CYB5R3: variants seen among roughly 807,000 people sequenced by gnomAD.
CYB5R3 encodes cytochrome b5 reductase 3.
A neutral mutation model predicts 36.5 loss-of-function variants in CYB5R3; 28 were observed. The ratio of observed to expected loss-of-function variants is 0.77; its 90% confidence interval spans 0.57 to 1.05. The LOEUF (loss-of-function observed/expected upper bound fraction) is 1.05. CYB5R3 is among the 50% of genes least tolerant of loss of function. The probability of loss-of-function intolerance (pLI) is 0.00; values close to 1 mark genes in which losing one functional copy is unlikely to be tolerated. For missense variants in CYB5R3, 474 were observed against 408.9 expected (o/e 1.16, Z -1.37); for synonymous variants, 181 against 159.8 (o/e 1.13, Z -1.00).
In CYB5R3 at chr22:42,628,155, T is replaced by G. The variant is rs1166220320; in HGVS notation, c.460A>C (p.Lys154Gln). The change falls in exon 5 of 9, where the codon AAA (lysine) becomes CAA (glutamine). Residue 154 changes from lysine (K) to glutamine (Q), a missense_variant. By Grantham distance (53) the Lys-to-Gln change is moderately conservative. Transcript: ENST00000352397. ...AAGGGATTCCGACCCGAATCACCTTTGCCCTGGTAGACCAGCAGCCCACTG... is the reference window on the plus strand; with the variant it reads ...AAGGGATTCCGACCCGAATCACCTTGGCCCTGGTAGACCAGCAGCCCACTG... The part of the protein sequence containing the change: ...GPSGLLVYQG[K>Q]GKFAIRPDKK... The G allele has an allele frequency of 1.2e-6, 2 of 1,614,058 alleles. No individual in the cohort carries two copies. Among genetic ancestry groups the G allele is most frequent in the Admixed American group, 3.3e-5 (2 of 60,008 alleles).
chr22:42,622,453 A>G (rs1435311224), intron 8 of CYB5R3, among the ~76,000 whole-genome samples: 2 of 152,178 alleles, frequency 1.3e-5, no homozygotes, highest in African/African-American at 4.8e-5. Flanking sequence ...CAGGTGGAGC[A>G]GCCGACCTGG....
rs778448550 is a variant in CYB5R3, at chr22:42,619,731, T to C, written c.*42A>G. 4 of 1,531,600 alleles carry C rather than the reference T, an allele frequency of 2.6e-6. No individual in the cohort carries two copies. Among genetic ancestry groups the C allele is most frequent in the African/African-American group, 1.4e-5 (1 of 73,558 alleles). 94.9% of individuals were successfully genotyped at this position (1,531,600 alleles called of 1,614,324 possible). ...TGACTGGGTGAGCGTGAACAGGGCG[T>C]GGGGTGCGCGGGGCGGGTGGCCGTG... On this transcript the variant is annotated 3_prime_UTR_variant, in exon 9 of 9. Coordinates refer to ENST00000352397, the MANE Select transcript of CYB5R3 (RefSeq NM_000398.7).
Position 42,636,764 on chromosome 22 carries a change from G to A in CYB5R3, c.104C>T (p.Thr35Ile). The A allele has an allele frequency of 6.2e-7, 1 of 1,613,878 alleles. No individual in the cohort carries two copies. The highest frequency in any genetic ancestry group is 8.5e-7 in the Non-Finnish European group (1 of 1,180,016). ...GTACTTGATGTCCGGGCTCTCGAGGGTGATGGCTGGCGTGGAGCGCTGGAA... is the reference window on the plus strand; with the variant it reads ...GTACTTGATGTCCGGGCTCTCGAGGATGATGGCTGGCGTGGAGCGCTGGAA... Reference protein sequence around the residue: ...KLFQRSTPAITLESPDIKYPL... With the variant: ...KLFQRSTPAIILESPDIKYPL... The change falls in exon 2 of 9, where the codon ACC (threonine) becomes ATC (isoleucine). Residue 35 changes from threonine (T) to isoleucine (I), a missense_variant. Physicochemically the swap from Thr to Ile is moderately conservative, Grantham distance 89 (BLOSUM62 -1). Coordinates refer to ENST00000352397, the MANE Select transcript of CYB5R3 (RefSeq NM_000398.7).
chr22:42,626,200 C>T (rs1372405746), intron 7 of CYB5R3, among the ~76,000 whole-genome samples: 2 of 152,090 alleles, frequency 1.3e-5, no homozygotes, highest in Non-Finnish European at 2.9e-5. Context: ...ATCCCAGCTA[C>T]TCGGGAGGCT....
At chr22:42,626,073 C>T (rs1928251706) in intron 7 of CYB5R3, among the ~76,000 whole-genome samples, 1 of 152,208 alleles carries the variant, frequency 6.6e-6, no homozygotes, top group Non-Finnish European at 1.5e-5. Flanking sequence ...CTTTGGGAGG[C>T]TGAGGCGGGT....
At chr22:42,621,994 G>A (rs1203405499) in intron 8 of CYB5R3, among the ~76,000 whole-genome samples, 1 of 152,236 alleles carries the variant, frequency 6.6e-6, no homozygotes, top group African/African-American at 2.4e-5. Context: ...CACCATCTCG[G>A]CTCATTGCAA....
At chr22:42,624,717 C>CA (rs993221721) in intron 7 of CYB5R3, among the ~76,000 whole-genome samples, 2 of 151,912 alleles carry the variant, frequency 1.3e-5, no homozygotes, top group African/African-American at 4.8e-5. Context: ...TCAGGGAACT[C>CA]AAAGAAACCA....
intron 2 of CYB5R3, among the ~76,000 whole-genome samples, chr22:42,634,281 A>G (rs1050678446): frequency 1.6e-4 from 24 of 151,198 alleles, no homozygotes; most frequent in African/African-American, 4.1e-4. Context: ...GAACCGCTTG[A>G]ACCTGGGAGG....
At position 42,627,417 on chromosome 22, in the gene CYB5R3, C is replaced by T. The variant is rs202003764; in HGVS notation, c.548-28G>A. The T allele has an allele frequency of 8.0e-5, 128 of 1,608,928 alleles. 1 individual carries two copies. Among genetic ancestry groups the T allele is most frequent in the South Asian group, 3.2e-4 (29 of 90,836 alleles). On this transcript the variant is annotated intron_variant, in intron 6 of 8. Transcript: ENST00000352397. ...GCAAAATAGCCGGCCGGGCCTCGCA[C>T]GTGCTGAGCGAGGCCTGTTCACAGG...
chr22:42,619,337 G>C lies in CYB5R3; in HGVS notation c.*436C>G, dbSNP rs540168998. ...GCCTGGGCCTGGCCCTGAGGCGGGA[G>C]TGGGGGTGACAGGCGAGGCTGGGGT... On this transcript the variant is annotated 3_prime_UTR_variant, in exon 9 of 9. Coordinates refer to ENST00000352397, the MANE Select transcript of CYB5R3 (RefSeq NM_000398.7). The C allele has an allele frequency of 5.5e-4, 111 of 200,304 alleles. No homozygotes were observed. Among genetic ancestry groups the C allele is most frequent in the Non-Finnish European group, 1.0e-3 (99 of 96,156 alleles). 12.4% of individuals were successfully genotyped at this position (200,304 alleles called of 1,614,324 possible).
intron 1 of CYB5R3, among the ~76,000 whole-genome samples, chr22:42,641,810 G>A (rs1213039137): frequency 6.6e-6 from 1 of 151,994 alleles, no homozygotes; most frequent in African/African-American, 2.4e-5. Flanking sequence ...TAGTAGAGCC[G>A]GGGTTTTTTC....
At chr22:42,639,712 C>T (rs762703209) in intron 1 of CYB5R3, 152 of 433,036 alleles carry the variant, frequency 3.5e-4, no homozygotes, top group Non-Finnish European at 5.8e-4. Context: ...TCTGTGGTTA[C>T]GCAAAGGAAT....
chr22:42,627,630 A>G lies in CYB5R3; in HGVS notation c.522T>C (p.Ser174=). 2.5e-6 allele frequency: 4 copies of G among 1,614,116 alleles called. No homozygotes were observed. Among genetic ancestry groups the G allele is most frequent in the Middle Eastern group, 3.3e-4 (2 of 6,062 alleles). The change falls in exon 6 of 9, where the codon TCT becomes TCC. Residue 174 remains serine, a synonymous_variant. Transcript: ENST00000352397. ...CTGTCCCTCCCGCGATCATGCCCAC[A>G]GACTTCACTGTCCTGATGATAGGGT... is the stretch of plus-strand genomic sequence containing the variant. ...KSNPIIRTVK[S]VGMIAGGTGI...
At chr22:42,627,227 TG>T (rs1601933030) in intron 7 of CYB5R3, 76 bp downstream of exon 7, 1 of 1,235,370 alleles carries the variant, frequency 8.1e-7, no homozygotes, top group East Asian at 2.5e-5. Flanking sequence ...TGCAGACCCC[TG>T]GAACAGCACC....
intron 5 of CYB5R3, 75 bp downstream of exon 5, chr22:42,628,077 C>G: frequency 6.3e-7 from 1 of 1,596,260 alleles, no homozygotes; most frequent in African/African-American, 1.3e-5. Flanking sequence ...GGGGCCTGCA[C>G]CCTGCACCCA....
chr22:42,643,244 C>T (rs1050246523), intron 1 of CYB5R3, among the ~76,000 whole-genome samples: 25 of 152,314 alleles, frequency 1.6e-4, no homozygotes, highest in African/African-American at 6.0e-4. Flanking sequence ...GGGCCACTGC[C>T]TGGCCTATCT....
intron 2 of CYB5R3, 131 bp downstream of exon 2, chr22:42,636,584 C>A: frequency 2.1e-6 from 3 of 1,421,976 alleles, no homozygotes; most frequent in Non-Finnish European, 1.9e-6. Context: ...AGAGACATCA[C>A]CTTGCTTTCT....
chr22:42,622,503 G>A (rs1323906073), intron 8 of CYB5R3, among the ~76,000 whole-genome samples: 2 of 152,116 alleles, frequency 1.3e-5, no homozygotes, highest in Non-Finnish European at 2.9e-5. Context: ...CCAGCCAGAG[G>A]CCGGACACGG....
chr22:42,627,211 G>A (rs1928315712), intron 7 of CYB5R3, 93 bp downstream of exon 7: 9 of 1,045,480 alleles, frequency 8.6e-6, no homozygotes, highest in Admixed American at 7.7e-5. Context: ...AATCTCAGCA[G>A]AGCTGTGCAG....
Sources: allele counts gnomAD v4.1 joint callset (sites outside exome capture counted in the v4.1 genomes callset), GRCh38; gene constraint gnomAD v4.1.1; transcripts MANE v1.5; gene names NCBI Gene and HGNC (gene_info 2026-07-23, HGNC 2026-07-21).